The following CACNA2D3 variants were observed in gnomAD, a reference collection of about 807,000 sequenced individuals.
CACNA2D3 encodes the protein voltage-dependent calcium channel subunit alpha-2/delta-3.
Under a neutral mutation model 160.6 loss-of-function variants are expected in CACNA2D3, and 60 were observed. The observed-to-expected ratio is 0.37, with a 90% confidence interval of 0.30 to 0.46. The LOEUF is 0.46. Among genes scored for constraint, CACNA2D3 ranks in the 20% least tolerant of loss-of-function variants. CACNA2D3 has a pLI of 1.00. For missense variants in CACNA2D3, 1,205 were observed against 1,365.0 expected (o/e 0.88, Z 1.85); for synonymous variants, 558 against 492.9 (o/e 1.13, Z -1.75).
intron 2 of CACNA2D3, among the ~76,000 whole-genome samples, chr3:54,217,590 C>T (rs753646086): frequency 3.3e-5 from 5 of 151,936 alleles, no homozygotes; most frequent in Admixed American, 6.6e-5. Context: ...CACACAGAGA[C>T]GAAAGGGATG....
At chr3:54,136,597 T>G (rs2107261118) in intron 2 of CACNA2D3, among the ~76,000 whole-genome samples, 1 of 152,358 alleles carries the variant, frequency 6.6e-6, no homozygotes, top group East Asian at 1.9e-4. Flanking sequence ...CCCTGAGTGC[T>G]TCAGTGACAG....
intron 4 of CACNA2D3, among the ~76,000 whole-genome samples, chr3:54,503,109 A>T (rs1701318751): frequency 6.6e-6 from 1 of 152,164 alleles, no homozygotes; most frequent in Non-Finnish European, 1.5e-5. Flanking sequence ...TGATGATCTG[A>T]CGTATATTTG....
intron 13 of CACNA2D3, among the ~76,000 whole-genome samples, chr3:54,788,077 T>G (rs1702674792): frequency 2.0e-5 from 3 of 152,232 alleles, no homozygotes; most frequent in Non-Finnish European, 2.9e-5. Context: ...TCCCCAATAC[T>G]GTTACTGCAT....
In CACNA2D3 at chr3:54,389,170, C is replaced by T. The variant is rs151041686; in HGVS notation, c.381+2396C>T. ...ATTAGCCGGGCATGGTGGCAGGTGCCGGTAATCCCAGCTACTCAGTAGGCT... is the reference window on the plus strand; with the variant it reads ...ATTAGCCGGGCATGGTGGCAGGTGCTGGTAATCCCAGCTACTCAGTAGGCT... On this transcript the variant is annotated intron_variant, in intron 4 of 37. Transcript: ENST00000474759. Among the ~76,000 whole-genome samples, 60 of 152,008 alleles carry T rather than the reference C, an allele frequency of 3.9e-4. 1 individual carries two copies. In the East Asian group the frequency reaches 9.5e-3, roughly 24 times the overall value.
intron 5 of CACNA2D3, among the ~76,000 whole-genome samples, chr3:54,556,936 A>C (rs1702250526): frequency 6.6e-6 from 1 of 151,914 alleles, no homozygotes; most frequent in African/African-American, 2.4e-5. Flanking sequence ...GGGTTACTTC[A>C]TTTCCACTTT....
At chr3:54,670,194 A>G (rs941366907) in intron 11 of CACNA2D3, among the ~76,000 whole-genome samples, 2 of 151,994 alleles carry the variant, frequency 1.3e-5, no homozygotes, top group South Asian at 2.1e-4. Context: ...TTGGACATAC[A>G]TTTTCCTATT....
chr3:54,157,647 C>T (rs181246197), intron 2 of CACNA2D3, among the ~76,000 whole-genome samples: 202 of 152,068 alleles, frequency 1.3e-3, no homozygotes, highest in Non-Finnish European at 1.1e-3. Context: ...CAAAATTAGC[C>T]GAGCATGGTG....
chr3:54,228,116 T>C (rs1432008594), intron 2 of CACNA2D3, among the ~76,000 whole-genome samples: 1 of 152,208 alleles, frequency 6.6e-6, no homozygotes, highest in Non-Finnish European at 1.5e-5. Flanking sequence ...AGACCAAATT[T>C]CTGCCTTGTA....
At chr3:54,381,511 A>G (rs1168863981) in intron 3 of CACNA2D3, among the ~76,000 whole-genome samples, 1 of 152,106 alleles carries the variant, frequency 6.6e-6, no homozygotes, top group African/African-American at 2.4e-5. Flanking sequence ...CAAAAAAATC[A>G]TTTTCTTTTT....
At chr3:54,663,051 T>C (rs140826298) in intron 11 of CACNA2D3, among the ~76,000 whole-genome samples, 1 of 152,098 alleles carries the variant, frequency 6.6e-6, no homozygotes, top group African/African-American at 2.4e-5. Flanking sequence ...GGGATAAAAT[T>C]ATTGAGGAGA....
rs562805737 is a variant in CACNA2D3, at chr3:54,141,407, A to G, written c.204+17813A>G. 5.9e-5 allele frequency among the ~76,000 whole-genome samples: 9 copies of G among 152,202 alleles called. No homozygotes were observed. In the South Asian group the frequency reaches 1.7e-3, roughly 28 times the overall value. On this transcript the variant is annotated intron_variant, in intron 2 of 37. Coordinates refer to ENST00000474759, the MANE Select transcript of CACNA2D3 (RefSeq NM_018398.3). ...TTGCAATAGTGACTTAAGCCTCCCA[A>G]CCAACCTGTCCAAAACCTTCATTTT...
intron 11 of CACNA2D3, among the ~76,000 whole-genome samples, chr3:54,746,322 T>C (rs12488046): frequency 0.22 from 32,967 of 152,240 alleles, 3,871 homozygotes; most frequent in South Asian, 0.29. Flanking sequence ...GTTAGTAATA[T>C]CTTTTGTGAA....
At chr3:54,698,202 ATTTG>A (rs1700699847) in intron 11 of CACNA2D3, among the ~76,000 whole-genome samples, 1 of 152,194 alleles carries the variant, frequency 6.6e-6, no homozygotes, top group African/African-American at 2.4e-5. Context: ...ACAATAGCAG[ATTTG>A]TAACCAAGGG....
At chr3:55,029,888 T>C (rs1703652527) in intron 35 of CACNA2D3, among the ~76,000 whole-genome samples, 2 of 152,232 alleles carry the variant, frequency 1.3e-5, no homozygotes, top group South Asian at 2.1e-4. Flanking sequence ...CAAACTACCA[T>C]ACTCAATCTT....
chr3:54,837,352 T>C (rs1698716309), intron 15 of CACNA2D3, 122 bp downstream of exon 15: 2 of 778,918 alleles, frequency 2.6e-6, no homozygotes, highest in Middle Eastern at 4.8e-4. Flanking sequence ...TTTTCCTTAT[T>C]GTTTGATCTT....
At chr3:54,213,996 C>T (rs1701421424) in intron 2 of CACNA2D3, among the ~76,000 whole-genome samples, 1 of 152,108 alleles carries the variant, frequency 6.6e-6, no homozygotes, top group African/African-American at 2.4e-5. Context: ...AGTGGGGATG[C>T]CCTGAACCTT....
intron 14 of CACNA2D3, among the ~76,000 whole-genome samples, chr3:54,835,739 C>G (rs1698662894): frequency 6.6e-6 from 1 of 152,186 alleles, no homozygotes; most frequent in African/African-American, 2.4e-5. Flanking sequence ...CTTGAACAGG[C>G]TACGAAGCCA....
intron 4 of CACNA2D3, among the ~76,000 whole-genome samples, chr3:54,388,674 A>G (rs1699230155): frequency 6.6e-6 from 1 of 152,224 alleles, no homozygotes; most frequent in African/African-American, 2.4e-5. Flanking sequence ...TCCTAAAGCC[A>G]TACTCAGTTC....
intron 12 of CACNA2D3, among the ~76,000 whole-genome samples, chr3:54,763,769 G>GTACA (rs1553838572): frequency 2.0e-5 from 1 of 49,320 alleles, no homozygotes; most frequent in Non-Finnish European, 3.7e-5. Context: ...ACATATATAT[G>GTACA]TATATATGTA....
Sources: gnomAD v4.1 joint callset for allele counts (sites outside exome capture counted in the v4.1 genomes callset) on GRCh38, gnomAD v4.1.1 for gene constraint, MANE v1.5 for transcripts, NCBI Gene and HGNC (gene_info 2026-07-23, HGNC 2026-07-21) for gene names.